Variants in GALNT14 observed in about 807,000 individuals in gnomAD.
GALNT14 encodes the protein polypeptide N-acetylgalactosaminyltransferase 14.
Under a neutral mutation model 77.5 loss-of-function variants are expected in GALNT14, and 60 were observed. The ratio of observed to expected loss-of-function variants is 0.77; its 90% CI spans 0.63 to 0.96. GALNT14 has a LOEUF of 0.96. Ranked by LOEUF, GALNT14 falls within the 40% of genes least tolerant of loss-of-function variation. The pLI is 0.00. For synonymous variants in GALNT14, 280 were observed against 281.7 expected (o/e 0.99, Z 0.06); for missense variants, 710 against 731.0 (o/e 0.97, Z 0.33).
At chr2:31,075,470 A>G (rs1278065154) in intron 1 of GALNT14, among the ~76,000 whole-genome samples, 3 of 152,238 alleles carry the variant, frequency 2.0e-5, no homozygotes, top group Admixed American at 6.5e-5. Flanking sequence ...ATCAGAAACA[A>G]TCTCTGCGTC....
intron 1 of GALNT14, chr2:31,073,202 C>T (rs1675528134): frequency 6.6e-6 from 1 of 152,172 alleles, no homozygotes; most frequent in South Asian, 2.1e-4. Flanking sequence ...TGAAAAGGGA[C>T]TCACTCTGTG....
At chr2:30,928,117 A>G (rs77938090) in intron 11 of GALNT14, among the ~76,000 whole-genome samples, 3 of 152,180 alleles carry the variant, frequency 2.0e-5, no homozygotes, top group Admixed American at 1.3e-4. Context: ...AGGACTGAAA[A>G]TGAATGCCTT....
chr2:30,998,566 A>G (rs1188286212), intron 1 of GALNT14, among the ~76,000 whole-genome samples: 1 of 152,246 alleles, frequency 6.6e-6, no homozygotes, highest in East Asian at 1.9e-4. Flanking sequence ...GAACGTCTCA[A>G]ATTTACCCTG....
intron 2 of GALNT14, among the ~76,000 whole-genome samples, chr2:30,972,022 A>C (rs571097985): frequency 6.5e-4 from 99 of 152,358 alleles, no homozygotes; most frequent in African/African-American, 2.1e-3. Context: ...ACACCCAGAT[A>C]CATGATCTTC....
intron 1 of GALNT14, among the ~76,000 whole-genome samples, chr2:31,117,577 C>T (rs1363953550): frequency 3.3e-5 from 5 of 152,016 alleles, no homozygotes; most frequent in South Asian, 2.1e-4. Context: ...TGATTGGAAA[C>T]GTGAATGGAG....
In GALNT14 at chr2:30,935,167, C is replaced by T. The variant is rs61280236; in HGVS notation, c.932-2973G>A. Among the ~76,000 whole-genome samples, 648 of 152,224 alleles carry T rather than the reference C, an allele frequency of 4.3e-3. 5 individuals are homozygous for T. The highest frequency in any genetic ancestry group is 0.015 in the African/African-American group (610 of 41,526). ...CATTGTTATTAATGTTCTTATTTTG[C>T]GATGCAGAAGCAACTCTGATAGGAC... On this transcript the variant is annotated intron_variant, in intron 9 of 14. Transcript: ENST00000349752.
At chr2:30,945,670 C>G (rs1458374282) in intron 7 of GALNT14, 113 bp downstream of exon 7, 2 of 834,712 alleles carry the variant, frequency 2.4e-6, no homozygotes, top group Non-Finnish European at 4.0e-6. Flanking sequence ...AGGTTGCAGG[C>G]TGAGCTTTCT....
chr2:30,917,076 CAAAAAAAA>C (rs529653696), intron 13 of GALNT14, among the ~76,000 whole-genome samples: 20 of 19,908 alleles, frequency 1.0e-3, no homozygotes, highest in South Asian at 5.2e-3. Context: ...GACTCCGTCT[CAAAAAAAA>C]AAAAAAAAAA....
chr2:30,960,559 T>C (rs745848257), intron 3 of GALNT14, among the ~76,000 whole-genome samples: 1 of 152,164 alleles, frequency 6.6e-6, no homozygotes, highest in Non-Finnish European at 1.5e-5. Flanking sequence ...GGCTTGTTTT[T>C]GCTTCTCTAA....
chr2:31,078,825 C>A, intron 1 of GALNT14: 1 of 925,754 alleles, frequency 1.1e-6, no homozygotes. Flanking sequence ...AGGCAAGGGG[C>A]GAGATATAGG....
Position 30,911,013 on chromosome 2 carries a change from A to T in GALNT14, c.1547T>A (p.Leu516His). ...ACCGAACATATCTGTATCGAGGCAGAGGTGGGATGCTATGTGCTCGATGTG... is the reference window on the plus strand; with the variant it reads ...ACCGAACATATCTGTATCGAGGCAGTGGTGGGATGCTATGTGCTCGATGTG... ...GSHIEHIASH[L>H]CLDTDMFGDG... is the part of the protein sequence containing the mutation. The change falls in exon 15 of 15, where the codon CTC becomes CAC. Residue 516 changes from leucine (L) to histidine (H), a missense_variant. By Grantham distance (99) the Leu-to-His change is moderately conservative (BLOSUM62 -3). Coordinates refer to ENST00000349752, the MANE Select transcript of GALNT14 (RefSeq NM_024572.4). The T allele has an allele frequency of 6.2e-7, 1 of 1,613,912 alleles. No individual in the cohort carries two copies. The highest frequency in any genetic ancestry group is 1.7e-5 in the Admixed American group (1 of 59,978).
At chr2:30,950,848 G>A (rs1666984183) in intron 6 of GALNT14, among the ~76,000 whole-genome samples, 1 of 152,244 alleles carries the variant, frequency 6.6e-6, no homozygotes, top group Non-Finnish European at 1.5e-5. Context: ...CGACCAGCAG[G>A]TAAGGCTGGC....
At chr2:30,940,051 T>C (rs958888431) in intron 9 of GALNT14, among the ~76,000 whole-genome samples, 1 of 152,048 alleles carries the variant, frequency 6.6e-6, no homozygotes, top group African/African-American at 2.4e-5. Flanking sequence ...GTTAGCTGGC[T>C]ATAACATAAT....
chr2:31,055,736 TCTC>T (rs969792509), intron 1 of GALNT14, among the ~76,000 whole-genome samples: 4 of 152,100 alleles, frequency 2.6e-5, no homozygotes, highest in African/African-American at 9.7e-5. Context: ...AAACGTTACT[TCTC>T]CTGCCTTCCA....
At chr2:31,091,455 G>T (rs1418147663) in intron 1 of GALNT14, among the ~76,000 whole-genome samples, 1 of 152,136 alleles carries the variant, frequency 6.6e-6, no homozygotes, top group Admixed American at 6.5e-5. Flanking sequence ...TAACAGAAAA[G>T]TTTGCCAACT....
At chr2:30,920,206 G>A (rs187183656) in intron 13 of GALNT14, among the ~76,000 whole-genome samples, 110 of 152,292 alleles carry the variant, frequency 7.2e-4, no homozygotes, top group African/African-American at 2.4e-3. Flanking sequence ...CATCTTCACC[G>A]TTATTGGTAG....
chr2:30,935,067 A>T (rs1217133684), intron 9 of GALNT14, among the ~76,000 whole-genome samples: 1 of 152,206 alleles, frequency 6.6e-6, no homozygotes, highest in Non-Finnish European at 1.5e-5. Flanking sequence ...AGCATTAGCC[A>T]TGGGAGGAAA....
chr2:31,057,348 A>ATG (rs35039993), intron 1 of GALNT14, among the ~76,000 whole-genome samples: 253 of 111,914 alleles, frequency 2.3e-3, no homozygotes, highest in African/African-American at 2.8e-3. Flanking sequence ...ACGTATATAT[A>ATG]TGTGTGTGTG....
rs141212839 is a variant in GALNT14 at position 31,121,139 on chromosome 2, G to T, written c.129+16819C>A. On this transcript the variant is annotated intron_variant, in intron 1 of 14. Transcript: ENST00000349752. ...GCATGGACTCAGACCTTCTGAACTC[G>T]GGAGCCCAGCATGCCTGTCCAAGGG... 1.7e-3 allele frequency among the ~76,000 whole-genome samples: 266 copies of T among 152,270 alleles called. 1 individual carries two copies. Among genetic ancestry groups the T allele is most frequent in the African/African-American group, 6.1e-3 (254 of 41,560 alleles).
Sources: gnomAD v4.1 joint callset for allele counts (sites outside exome capture counted in the v4.1 genomes callset) on GRCh38, gnomAD v4.1.1 for gene constraint, MANE v1.5 for transcripts, NCBI Gene and HGNC (gene_info 2026-07-23, HGNC 2026-07-21) for gene names.